Variants in PTPRD observed in about 807,000 individuals in gnomAD.
The protein encoded by PTPRD is protein tyrosine phosphatase receptor type D, also known as receptor-type tyrosine-protein phosphatase delta.
A neutral mutation model predicts 214.5 loss-of-function variants in PTPRD; 34 were observed. The ratio of observed to expected loss-of-function variants is 0.16; its 90% CI spans 0.12 to 0.21. PTPRD has a LOEUF of 0.21. Ranked by LOEUF, PTPRD falls within the 10% of genes least tolerant of loss-of-function variation. The pLI, the probability that PTPRD is intolerant of heterozygous loss-of-function variation, is 1.00. For missense variants in PTPRD, 2,545 were observed against 2,398.7 expected (o/e 1.06, Z -1.27); for synonymous variants, 1,128 against 845.7 (o/e 1.33, Z -5.79).
intron 9 of PTPRD, among the ~76,000 whole-genome samples, chr9:9,308,779 G>A (rs1480300318): frequency 1.3e-5 from 2 of 152,070 alleles, no homozygotes; most frequent in Non-Finnish European, 2.9e-5. Context: ...GTATTCTACA[G>A]ATGAAATATT....
chr9:9,996,216 T>A (rs2096117705), intron 4 of PTPRD, among the ~76,000 whole-genome samples: 1 of 152,208 alleles, frequency 6.6e-6, no homozygotes, highest in African/African-American at 2.4e-5. Flanking sequence ...ACTATGGTGT[T>A]AGTTCATAAC....
chr9:10,162,607 G>C (rs971588109), intron 3 of PTPRD, among the ~76,000 whole-genome samples: 1 of 148,898 alleles, frequency 6.7e-6, no homozygotes, highest in East Asian at 2.0e-4. Context: ...AGTTTTATAC[G>C]TACGTATATA....
chr9:8,487,805 G>A (rs1191595604), intron 27 of PTPRD, among the ~76,000 whole-genome samples: 3 of 141,552 alleles, frequency 2.1e-5, no homozygotes, highest in South Asian at 2.2e-4. Flanking sequence ...AGCAAATTCC[G>A]TCTCAAAAAC....
At chr9:9,635,142 A>C (rs983179897) in intron 7 of PTPRD, among the ~76,000 whole-genome samples, 1 of 152,194 alleles carries the variant, frequency 6.6e-6, no homozygotes, top group African/African-American at 2.4e-5. Context: ...GTAGCCACAC[A>C]AACTGGAATA....
intron 2 of PTPRD, among the ~76,000 whole-genome samples, chr9:10,498,404 G>A (rs1383974774): frequency 6.6e-6 from 1 of 151,872 alleles, no homozygotes. Flanking sequence ...TTAACTGTTA[G>A]CTTTATTGGC....
chr9:8,564,934 A>T (rs1227562263), intron 14 of PTPRD, among the ~76,000 whole-genome samples: 1 of 152,212 alleles, frequency 6.6e-6, no homozygotes, highest in Non-Finnish European at 1.5e-5. Context: ...AATGGAAAGA[A>T]ATCATGAGAT....
At chr9:9,456,113 C>G (rs558405942) in intron 8 of PTPRD, among the ~76,000 whole-genome samples, 1 of 151,898 alleles carries the variant, frequency 6.6e-6, no homozygotes, top group East Asian at 1.9e-4. Context: ...AGGTAGAATA[C>G]GTTTATTTCC....
At chr9:8,551,094 G>A (rs1248927629) in intron 14 of PTPRD, among the ~76,000 whole-genome samples, 1 of 152,112 alleles carries the variant, frequency 6.6e-6, no homozygotes, top group Non-Finnish European at 1.5e-5. Context: ...GGTGGTTTTT[G>A]CTCAATAGCT....
At chr9:9,219,999 A>G (rs1449033658) in intron 9 of PTPRD, among the ~76,000 whole-genome samples, 8 of 152,294 alleles carry the variant, frequency 5.3e-5, no homozygotes, top group Non-Finnish European at 1.2e-4. Context: ...CTCATATTGA[A>G]ATAAACGGTA....
chr9:8,909,891 AG>A (rs2098735537), intron 11 of PTPRD, among the ~76,000 whole-genome samples: 1 of 151,434 alleles, frequency 6.6e-6, no homozygotes, highest in Non-Finnish European at 1.5e-5. Flanking sequence ...AGAAAGAAAA[AG>A]AAAAATTGGA....
intron 7 of PTPRD, among the ~76,000 whole-genome samples, chr9:9,683,886 C>A (rs951962634): frequency 6.6e-6 from 1 of 151,580 alleles, no homozygotes; most frequent in African/African-American, 2.4e-5. Flanking sequence ...AACATACCAA[C>A]TATTCTAATT....
intron 4 of PTPRD, among the ~76,000 whole-genome samples, chr9:9,992,746 A>G (rs1427365386): frequency 2.0e-5 from 3 of 151,930 alleles, no homozygotes; most frequent in Non-Finnish European, 4.4e-5. Context: ...TGGGAGTTGA[A>G]CCATGAGAAC....
At chr9:10,495,931 T>A (rs1475062366) in intron 2 of PTPRD, among the ~76,000 whole-genome samples, 1 of 151,712 alleles carries the variant, frequency 6.6e-6, no homozygotes, top group Admixed American at 6.6e-5. Context: ...ATTGGCTGAG[T>A]TTTTACATTA....
At chr9:8,592,541 G>C (rs549681716) in intron 14 of PTPRD, among the ~76,000 whole-genome samples, 1 of 152,150 alleles carries the variant, frequency 6.6e-6, no homozygotes, top group Non-Finnish European at 1.5e-5. Flanking sequence ...GATTACAGTC[G>C]ACACCAAAGG....
chr9:8,860,509 G>A (rs977596699), intron 11 of PTPRD: 1 of 152,204 alleles, frequency 6.6e-6, no homozygotes, highest in Admixed American at 6.5e-5. Context: ...TTATACCAAT[G>A]AGACTGAGAA....
At chr9:9,412,345 GT>G (rs2075718893) in intron 8 of PTPRD, among the ~76,000 whole-genome samples, 1 of 152,072 alleles carries the variant, frequency 6.6e-6, no homozygotes, top group Non-Finnish European at 1.5e-5. Flanking sequence ...TACTGAAATT[GT>G]TGCCTAATTT....
At chr9:8,439,930 CTTTAATTTTTTTTTTTTTTTTTTTT>C (rs1186337103) in intron 34 of PTPRD, among the ~76,000 whole-genome samples, 1 of 79,284 alleles carries the variant, frequency 1.3e-5, no homozygotes, top group Non-Finnish European at 2.5e-5. Flanking sequence ...ACTTGATGTG[CTTTAATTTTTTTTTTTTTTTTTTTT>C]TTTTTTTTTT....
At chr9:9,623,692 C>G (rs1377012306) in intron 7 of PTPRD, among the ~76,000 whole-genome samples, 1 of 152,204 alleles carries the variant, frequency 6.6e-6, no homozygotes, top group South Asian at 2.1e-4. Flanking sequence ...ATGCTTGCTA[C>G]AAATCCAAAT....
At chr9:8,378,481 T>C (rs1454664413) in intron 37 of PTPRD, among the ~76,000 whole-genome samples, 1 of 152,042 alleles carries the variant, frequency 6.6e-6, no homozygotes, top group Non-Finnish European at 1.5e-5. Context: ...ATGAAATAGA[T>C]GTCAGGTGGA....
Sources: allele counts gnomAD v4.1 joint callset (sites outside exome capture counted in the v4.1 genomes callset), GRCh38; gene constraint gnomAD v4.1.1; transcripts MANE v1.5; gene names NCBI Gene and HGNC (gene_info 2026-07-23, HGNC 2026-07-21).